The following GRIP1 variants were observed in gnomAD, a reference collection of about 807,000 sequenced individuals.
The protein encoded by GRIP1 is glutamate receptor-interacting protein 1.
In GRIP1, 45 loss-of-function variants were observed where a neutral mutation model predicts 129.9. That is an observed-to-expected ratio of 0.35 (90% CI 0.27 to 0.44). The LOEUF is 0.44. Ranked by LOEUF, GRIP1 falls within the 20% of genes least tolerant of loss-of-function variation. The pLI is 1.00. For synonymous variants in GRIP1, 530 were observed against 520.8 expected (o/e 1.02, Z -0.24); for missense variants, 1,196 against 1,396.8 (o/e 0.86, Z 2.29).
chr12:66,594,704 T>A, intron 2 of GRIP1, among the ~76,000 whole-genome samples: 1 of 152,176 alleles, frequency 6.6e-6, no homozygotes, highest in East Asian at 1.9e-4. Context: ...ATAAAGAGGA[T>A]ACATTTACTT....
At chr12:66,664,782 T>C (rs1371057644) in intron 1 of GRIP1, among the ~76,000 whole-genome samples, 1 of 152,138 alleles carries the variant, frequency 6.6e-6, no homozygotes, top group East Asian at 1.9e-4. Context: ...AAATAAATGG[T>C]AGCTATTGTT....
intron 23 of GRIP1, among the ~76,000 whole-genome samples, chr12:66,362,049 T>C (rs1406716650): frequency 1.3e-5 from 2 of 151,956 alleles, no homozygotes; most frequent in Admixed American, 6.6e-5. Context: ...ATGCCTGATA[T>C]TACGAAGAGG....
chr12:66,613,365 T>C (rs112824818), intron 1 of GRIP1, among the ~76,000 whole-genome samples: 4,704 of 152,284 alleles, frequency 0.031, 98 homozygotes, highest in Middle Eastern at 0.051. Flanking sequence ...TTCCATTAAG[T>C]ACCTCCAATG....
chr12:66,687,469 C>T (rs2136301906), intron 1 of GRIP1, among the ~76,000 whole-genome samples: 1 of 152,124 alleles, frequency 6.6e-6, no homozygotes, highest in East Asian at 1.9e-4. Flanking sequence ...GCTGTTTCAT[C>T]TTGGGTAAAA....
chr12:66,773,722 A>T (rs1271837255), intron 1 of GRIP1, among the ~76,000 whole-genome samples: 1 of 152,200 alleles, frequency 6.6e-6, no homozygotes, highest in Non-Finnish European at 1.5e-5. Context: ...AAACAAAAAG[A>T]AAATAAAAGA....
At chr12:66,593,421 A>C (rs988171705) in intron 2 of GRIP1, among the ~76,000 whole-genome samples, 5 of 152,214 alleles carry the variant, frequency 3.3e-5, no homozygotes, top group South Asian at 2.1e-4. Context: ...GATTCTGTTA[A>C]CATTCAGATT....
At chr12:66,406,663 TAAAC>T (rs1322498252) in intron 15 of GRIP1, among the ~76,000 whole-genome samples, 1 of 152,204 alleles carries the variant, frequency 6.6e-6, no homozygotes, top group African/African-American at 2.4e-5. Flanking sequence ...TTTTTTCAAT[TAAAC>T]AAGAACATAT....
intron 1 of GRIP1, among the ~76,000 whole-genome samples, chr12:66,910,655 G>A (rs993941688): frequency 6.6e-6 from 1 of 152,140 alleles, no homozygotes; most frequent in African/African-American, 2.4e-5. Context: ...AAAAGAAATA[G>A]TGAGTGTGAA....
intron 1 of GRIP1, among the ~76,000 whole-genome samples, chr12:66,825,561 C>T (rs538418906): frequency 9.2e-5 from 14 of 152,268 alleles, no homozygotes; most frequent in Admixed American, 6.5e-5. Flanking sequence ...GGCACTTAAC[C>T]TGTTTATCCC....
At chr12:66,806,178 C>A (rs535777899), upstream of GRIP1, among the ~76,000 whole-genome samples, 4 of 151,982 alleles carry the variant, frequency 2.6e-5, no homozygotes, top group East Asian at 5.8e-4. Context: ...TGTCATTATA[C>A]CTCTATGGAT....
intron 1 of GRIP1, among the ~76,000 whole-genome samples, chr12:66,812,415 G>C (rs1464029774): frequency 6.6e-6 from 1 of 152,216 alleles, no homozygotes; most frequent in Non-Finnish European, 1.5e-5. Flanking sequence ...GATTATAGGT[G>C]TGAGCCACTG....
chr12:66,619,282 G>C (rs1437841366), intron 1 of GRIP1, among the ~76,000 whole-genome samples: 1 of 151,990 alleles, frequency 6.6e-6, no homozygotes, highest in African/African-American at 2.4e-5. Flanking sequence ...CCTATAAAAG[G>C]TACTTTTGGA....
At chr12:66,490,249 C>A (rs1278554329) in intron 7 of GRIP1, among the ~76,000 whole-genome samples, 1 of 152,090 alleles carries the variant, frequency 6.6e-6, no homozygotes, top group Non-Finnish European at 1.5e-5. Context: ...TTACAGTAAC[C>A]AAAACAACAT....
At chr12:66,397,466 C>T (rs7487264) in intron 16 of GRIP1, among the ~76,000 whole-genome samples, 149,058 of 151,812 alleles carry the variant, frequency 0.98, 73,237 homozygotes, top group East Asian at 1. Context: ...TGAGCCAAGA[C>T]TGTGCCACTG....
At chr12:66,793,641 G>A (rs1769309963) in intron 1 of GRIP1, among the ~76,000 whole-genome samples, 1 of 152,134 alleles carries the variant, frequency 6.6e-6, no homozygotes, top group Non-Finnish European at 1.5e-5. Flanking sequence ...TTATATCCAA[G>A]CTGACTCAGG....
intron 1 of GRIP1, among the ~76,000 whole-genome samples, chr12:66,649,609 A>G (rs1351798666): frequency 6.6e-6 from 1 of 152,250 alleles, no homozygotes; most frequent in African/African-American, 2.4e-5. Flanking sequence ...ACCCAAGGAA[A>G]GGCATGCTAA....
intron 1 of GRIP1, among the ~76,000 whole-genome samples, chr12:66,678,042 A>G (rs1426714008): frequency 6.6e-6 from 1 of 152,174 alleles, no homozygotes; most frequent in East Asian, 1.9e-4. Flanking sequence ...TAAAGGAAAT[A>G]AGGCAAGAGA....
At chr12:66,372,658 G>A (rs2055575001) in intron 22 of GRIP1, among the ~76,000 whole-genome samples, 1 of 152,022 alleles carries the variant, frequency 6.6e-6, no homozygotes, top group Non-Finnish European at 1.5e-5. Context: ...TGTTACCAGT[G>A]AATTGGGAAG....
At chr12:66,757,468 C>G (rs1469113409) in intron 1 of GRIP1, among the ~76,000 whole-genome samples, 1 of 152,112 alleles carries the variant, frequency 6.6e-6, no homozygotes, top group Non-Finnish European at 1.5e-5. Context: ...TTCCCTTATC[C>G]ATTCATCTGC....
Sources: gnomAD v4.1 joint callset for allele counts (sites outside exome capture counted in the v4.1 genomes callset) on GRCh38, gnomAD v4.1.1 for gene constraint, MANE v1.5 for transcripts, NCBI Gene and HGNC (gene_info 2026-07-23, HGNC 2026-07-21) for gene names.